Variants in LSR observed in about 807,000 individuals in gnomAD.
LSR encodes lipolysis stimulated lipoprotein receptor.
In LSR, 44 loss-of-function variants were observed where a neutral mutation model predicts 61.8. The observed-to-expected ratio is 0.71, with a 90% CI of 0.56 to 0.91. The LOEUF is 0.91. LSR is among the 40% of genes least tolerant of loss of function. LSR has a pLI of 0.00. For missense variants in LSR, 911 were observed against 830.5 expected (o/e 1.10, Z -1.19); for synonymous variants, 397 against 350.6 (o/e 1.13, Z -1.48).
In LSR at chr19:35,266,852, C is replaced by G. The variant is rs1401853956; in HGVS notation, c.1029C>G (p.Tyr343Ter). 6.2e-7 allele frequency: 1 copy of G among 1,609,278 alleles called. No homozygotes were observed. Among genetic ancestry groups the G allele is most frequent in the African/African-American group, 1.3e-5 (1 of 74,842 alleles). The change falls in exon 8 of 10, where the codon TAC (tyrosine) becomes TAG (stop). Residue 343 changes from tyrosine to a stop codon, truncating the protein, a stop_gained. Transcript: ENST00000605618. LOFTEE classifies it high-confidence loss of function. ...SSVASEVRSG[Y>*]RIQASQQDDS... is the part of the protein sequence containing the mutation. Reference sequence around the variant, plus strand: ...TGTCCCTAGAAGTCCGCAGTGGCTACAGGATTCAGGCCAGCCAGCAGGACG... The same window carrying G: ...TGTCCCTAGAAGTCCGCAGTGGCTAGAGGATTCAGGCCAGCCAGCAGGACG...
At chr19:35,261,537 G>A (rs902040892) in intron 3 of LSR, among the ~76,000 whole-genome samples, 9 of 152,136 alleles carry the variant, frequency 5.9e-5, no homozygotes, top group African/African-American at 2.2e-4. Context: ...ACAGAGCTGA[G>A]ATCCTATTTC....
rs368874716 is a variant in LSR at position 35,267,675 on chromosome 19, G to C, written c.1711G>C (p.Ala571Pro). 6.2e-7 allele frequency: 1 copy of C among 1,604,788 alleles called. No individual in the cohort carries two copies. Among genetic ancestry groups the C allele is most frequent in the Non-Finnish European group, 8.5e-7 (1 of 1,176,236 alleles). The change falls in exon 9 of 10, where the codon GCG (alanine) becomes CCG (proline). Residue 571 changes from alanine to proline, a missense_variant. Transcript: ENST00000605618. ...GGAGGAAGAGGCCTACTACCCGCCC[G>C]CGCCGCCCCCGTACTCGGAGACCGA... Reference protein sequence around the residue: ...EEEEEAYYPPAPPPYSETDSQ... With the variant: ...EEEEEAYYPPPPPPYSETDSQ...
rs1410331801 is a variant in LSR, at chr19:35,267,256, A to AGGCAGGCGGG, written c.1296_1305dup (p.Trp436ArgfsTer36). 1.3e-6 allele frequency: 2 copies of AGGCAGGCGGG among 1,533,202 alleles called. No individual in the cohort carries two copies. The highest frequency in any genetic ancestry group is 2.1e-5 in the Admixed American group (1 of 48,588). 95.0% of individuals were successfully genotyped at this position (1,533,202 alleles called of 1,614,324 possible). The stretch of plus-strand genomic sequence containing the variant: ...TGGGACCAGGAGCCCGCCAGGGAGC[A>AGGCAGGCGGG]GGCAGGCGGGGGCTGGCGGGCCAGG... On this transcript the variant is annotated frameshift_variant, in exon 9 of 10. Transcript: ENST00000605618. LOFTEE classifies it high-confidence loss of function.
chr19:35,256,719 AAT>A (rs1390225338), intron 2 of LSR, among the ~76,000 whole-genome samples: 1 of 124,094 alleles, frequency 8.1e-6, no homozygotes, highest in African/African-American at 3.0e-5. Context: ...TGAATGAATG[AAT>A]GAATGAATGA....
chr19:35,258,016 C>G (rs2065876910), intron 2 of LSR, among the ~76,000 whole-genome samples: 1 of 152,158 alleles, frequency 6.6e-6, no homozygotes, highest in Admixed American at 6.5e-5. Context: ...TGGGCATCTC[C>G]TGGTACCTAG....
In LSR at chr19:35,266,514, G is replaced by A. The variant is rs1450477125; in HGVS notation, c.934G>A (p.Val312Ile). The A allele has an allele frequency of 1.9e-6, 3 of 1,606,754 alleles. No individual in the cohort carries two copies. Among genetic ancestry groups the A allele is most frequent in the Non-Finnish European group, 2.6e-6 (3 of 1,175,608 alleles). Residue 312 changes from valine (V) to isoleucine (I), a missense_variant, in exon 6 of 10, where the codon GTT becomes ATT. Val to Ile is a conservative substitution (Grantham distance 29). Transcript: ENST00000605618. ...NGYPGGYPGD[V>I]DRSSSAGGQG... Reference sequence around the variant, plus strand: ...GTACCCTGGAGGATACCCTGGAGACGTTGACAGGAGTAGCTCAGGTGAGGC... The same window carrying A: ...GTACCCTGGAGGATACCCTGGAGACATTGACAGGAGTAGCTCAGGTGAGGC...
rs183479856 is a variant in LSR, at chr19:35,254,888, A to C, written c.455-4057A>C. Among the ~76,000 whole-genome samples the C allele has an allele frequency of 1.2e-3, 184 of 152,330 alleles. 1 individual carries two copies. The highest frequency in any genetic ancestry group is 4.2e-3 in the African/African-American group (174 of 41,578). ...GAGTTTTGAAAATGTCAGACAGGTC[A>C]AACAAAACACAGTGAGGTCCAGCCT... On this transcript the variant is annotated intron_variant, in intron 2 of 9. Transcript: ENST00000605618.
chr19:35,259,191 C>T, intron 3 of LSR, 127 bp downstream of exon 3: 1 of 1,239,748 alleles, frequency 8.1e-7, no homozygotes, highest in Non-Finnish European at 1.1e-6. Flanking sequence ...GCTCTGCTCT[C>T]CCCCAGGCTC....
In LSR at chr19:35,267,767, C is replaced by T. The variant is rs200065932; in HGVS notation, c.1770+33C>T. The T allele has an allele frequency of 5.0e-6, 8 of 1,613,480 alleles. No homozygotes were observed. The Admixed American group carries it at 6.7e-5, about 13-fold the overall frequency. ...CCGCCCTCCCTGGCGTCCAGACCGT[C>T]CCTGGGCCCCCAGCCGGTCCCCGCG... On this transcript the variant is annotated intron_variant, in intron 9 of 9. Coordinates refer to ENST00000605618, the MANE Select transcript of LSR (RefSeq NM_205834.4).
chr19:35,267,827 T>A lies in LSR; in HGVS notation c.1774T>A (p.Leu592Met). Residue 592 changes from leucine to methionine, a missense_variant, in exon 10 of 10, where the codon TTG becomes ATG. Coordinates refer to ENST00000605618, the MANE Select transcript of LSR (RefSeq NM_205834.4). ...CTTCTTTCTTTCTCCCTTGCAGAAC[T>A]TGGCCCTGAGTCGGGAAAGTTTAGT... ...ASRERRLKKN[L>M]ALSRESLVV The A allele has an allele frequency of 6.2e-7, 1 of 1,613,822 alleles. No homozygotes were observed.
At chr19:35,249,393 A>C in intron 1 of LSR, 2 of 488,980 alleles carry the variant, frequency 4.1e-6, no homozygotes, top group Non-Finnish European at 7.1e-6. Context: ...GGCAGGGAGA[A>C]TGGAACTCTT....
Position 35,267,435 on chromosome 19 carries a change from G to C in LSR, c.1471G>C (p.Asp491His). Residue 491 changes from aspartate to histidine, a missense_variant, in exon 9 of 10, where the codon GAC becomes CAC. Transcript: ENST00000605618. ...CCGGGACGACCTCTATGACCAAGAC[G>C]ACTCGAGGGACTTCCCACGCTCCCG... ...RSRDDLYDQD[D>H]SRDFPRSRDP... is the part of the protein sequence containing the mutation. 6.2e-7 allele frequency: 1 copy of C among 1,610,636 alleles called. No individual in the cohort carries two copies. The highest frequency in any genetic ancestry group is 8.5e-7 in the Non-Finnish European group (1 of 1,179,388).
Position 35,267,665 on chromosome 19 carries a change from C to T in LSR, c.1701C>T (p.Tyr567=). ...ACAAGGAGGAGGAGGAAGAGGCCTACTACCCGCCCGCGCCGCCCCCGTACT... is the reference window on the plus strand; with the variant it reads ...ACAAGGAGGAGGAGGAAGAGGCCTATTACCCGCCCGCGCCGCCCCCGTACT... ...RPHKEEEEEA[Y]YPPAPPPYSE... Residue 567 remains tyrosine, a synonymous_variant, in exon 9 of 10, where the codon TAC becomes TAT. Coordinates refer to ENST00000605618, the MANE Select transcript of LSR (RefSeq NM_205834.4). The T allele has an allele frequency of 6.2e-7, 1 of 1,606,004 alleles. No homozygotes were observed. The highest frequency in any genetic ancestry group is 8.5e-7 in the Non-Finnish European group (1 of 1,176,830).
chr19:35,262,905 T>C, intron 5 of LSR: 1 of 592,794 alleles, frequency 1.7e-6, no homozygotes. Context: ...TGTTCTTTTC[T>C]TTTGTAAGTA....
chr19:35,267,935 T>TC lies in LSR; in HGVS notation c.*79dup. ...CACTGATGAAGCCCTGCCATACCCC[T>TC]CCCGAGTCTAATAAAACGTATAATC... is the stretch of plus-strand genomic sequence containing the variant. On this transcript the variant is annotated 3_prime_UTR_variant, in exon 10 of 10. Transcript: ENST00000605618. 1.3e-6 allele frequency: 2 copies of TC among 1,502,316 alleles called. No individual in the cohort carries two copies. The highest frequency in any genetic ancestry group is 2.3e-5 in the South Asian group (2 of 88,316). The allele number at this position is 1,502,316 out of a possible 1,614,324, so 93.1% of individuals were successfully genotyped here. A position where few individuals can be genotyped will look rare whatever the true frequency, so the allele number is the denominator to read the frequency against.
intron 2 of LSR, among the ~76,000 whole-genome samples, chr19:35,255,616 A>G (rs1256830781): frequency 2.0e-5 from 3 of 152,030 alleles, no homozygotes; most frequent in Non-Finnish European, 2.9e-5. Flanking sequence ...ACAACAAAAA[A>G]ACAGTGGCTT....
At chr19:35,250,990 T>C (rs2065787041) in intron 2 of LSR, among the ~76,000 whole-genome samples, 1 of 152,062 alleles carries the variant, frequency 6.6e-6, no homozygotes, top group South Asian at 2.1e-4. Context: ...GAGATGGGGT[T>C]TCACCATGTT....
intron 2 of LSR, 136 bp downstream of exon 2, chr19:35,250,795 C>CT (rs564341537): frequency 0.29 from 122,801 of 417,392 alleles, 9,138 homozygotes; most frequent in Admixed American, 0.4. Flanking sequence ...GGGAGCAATT[C>CT]TTTTTTTTTT....
rs142505421 is a variant in LSR, at chr19:35,255,518, G to A, written c.455-3427G>A. 6.9e-3 allele frequency among the ~76,000 whole-genome samples: 1,042 copies of A among 151,716 alleles called. 7 individuals are homozygous for A. The highest frequency in any genetic ancestry group is 0.014 in the Middle Eastern group (4 of 288). ...TGTAATCCCAGCACTTTGGGAGGCT[G>A]AGGCAGGTGGATCACTTGAGCCCTG... On this transcript the variant is annotated intron_variant, in intron 2 of 9. Coordinates refer to ENST00000605618, the MANE Select transcript of LSR (RefSeq NM_205834.4).
Sources: allele counts gnomAD v4.1 joint callset (sites outside exome capture counted in the v4.1 genomes callset), GRCh38; gene constraint gnomAD v4.1.1; transcripts MANE v1.5; gene names NCBI Gene and HGNC (gene_info 2026-07-23, HGNC 2026-07-21).